WDR64: variants seen among roughly 807,000 people sequenced by gnomAD.
WDR64 encodes the protein WD repeat-containing protein 64.
Under a neutral mutation model 139.3 loss-of-function variants are expected in WDR64, and 112 were observed. The observed-to-expected ratio is 0.80, with a 90% CI of 0.69 to 0.94. WDR64 has a LOEUF of 0.94. WDR64 is among the 40% of genes least tolerant of loss of function. The pLI, the probability that WDR64 is intolerant of heterozygous loss-of-function variation, is 0.00. For synonymous variants in WDR64, 444 were observed against 437.7 expected, an observed-to-expected ratio of 1.01 and a Z score of -0.18; for missense variants, 1,206 against 1,293.1, an observed-to-expected ratio of 0.93 and a Z score of 1.03.
chr1:241,766,262 A>G lies in WDR64; in HGVS notation c.1992A>G (p.Leu664=). The G allele has an allele frequency of 1.2e-6, 2 of 1,614,102 alleles. No individual in the cohort carries two copies. Among genetic ancestry groups the G allele is most frequent in the Admixed American group, 1.7e-5 (1 of 60,006 alleles). ...TACGAGTGAACTGCATTGATTTACT[A>G]CAAGTAGAAGGATATAATTTGATAG... is the stretch of plus-strand genomic sequence containing the variant. ...DLLRVNCIDL[L]QVEGYNLIAA... Residue 664 remains leucine, a synonymous_variant, in exon 16 of 28, where the codon CTA becomes CTG. Coordinates refer to ENST00000437684, the MANE Select transcript of WDR64 (RefSeq NM_001367482.1).
intron 23 of WDR64, among the ~76,000 whole-genome samples, chr1:241,787,067 G>A (rs1659061304): frequency 6.6e-6 from 1 of 151,996 alleles, no homozygotes; most frequent in Admixed American, 6.6e-5. Context: ...AAAAATGTTG[G>A]CTGGAGGCCA....
At position 241,766,279 on chromosome 1, in the gene WDR64, A is replaced by T. The variant is rs1658160665; in HGVS notation, c.2009A>T (p.Asn670Ile). ...GATTTACTACAAGTAGAAGGATATA[A>T]TTTGATAGCAGCTGGAACCTTAAAT... ...CIDLLQVEGYNLIAAGTLNGV... is the reference protein window; with the variant it reads ...CIDLLQVEGYILIAAGTLNGV... The change falls in exon 16 of 28, where the codon AAT becomes ATT. Residue 670 changes from asparagine (N) to isoleucine (I), a missense_variant. Transcript: ENST00000437684. 1.9e-6 allele frequency: 3 copies of T among 1,614,044 alleles called. No individual in the cohort carries two copies. Among genetic ancestry groups the T allele is most frequent in the Non-Finnish European group, 1.7e-6 (2 of 1,180,030 alleles).
chr1:241,659,259 A>G (rs1218004007), intron 1 of WDR64, among the ~76,000 whole-genome samples: 1 of 152,200 alleles, frequency 6.6e-6, no homozygotes, highest in African/African-American at 2.4e-5. Context: ...TTATGGCTGC[A>G]TAGTATTCCA....
rs1338811111 is a variant in WDR64 at position 241,656,549 on chromosome 1, C to T, written c.145+3920C>T. On this transcript the variant is annotated intron_variant, in intron 1 of 27. Transcript: ENST00000437684. The surrounding 1 kb of genome is among the most constrained non-coding windows in gnomAD (Gnocchi z 4.3). ...ATGAGAATTTCTGACTCAATATTACCAAAATAGAGTGCTTTATTTTCCCCA... is the reference window on the plus strand; with the variant it reads ...ATGAGAATTTCTGACTCAATATTACTAAAATAGAGTGCTTTATTTTCCCCA... Among the ~76,000 whole-genome samples the T allele has an allele frequency of 1.3e-5, 2 of 152,140 alleles. No homozygotes were observed. The highest frequency in any genetic ancestry group is 3.8e-4 in the East Asian group (2 of 5,198).
intron 7 of WDR64, among the ~76,000 whole-genome samples, chr1:241,685,336 A>G (rs969527465): frequency 2.0e-5 from 3 of 151,814 alleles, no homozygotes; most frequent in African/African-American, 7.2e-5. Context: ...ACATAATGTC[A>G]AGTAAAAATT....
At chr1:241,722,516 A>T (rs924778337) in intron 9 of WDR64, among the ~76,000 whole-genome samples, 9 of 152,198 alleles carry the variant, frequency 5.9e-5, no homozygotes, top group Admixed American at 5.9e-4. Context: ...AAAAAACTAG[A>T]ATTAGTGGAC....
In WDR64 at chr1:241,744,512, T is replaced by C; in HGVS notation, c.1590T>C (p.Tyr530=). 6.2e-7 allele frequency: 1 copy of C among 1,614,000 alleles called. No homozygotes were observed. Among genetic ancestry groups the C allele is most frequent in the Non-Finnish European group, 8.5e-7 (1 of 1,179,966 alleles). The change falls in exon 13 of 28, where the codon TAT becomes TAC. Residue 530 remains tyrosine (Y), a synonymous_variant. Coordinates refer to ENST00000437684, the MANE Select transcript of WDR64 (RefSeq NM_001367482.1). The part of the protein sequence containing the change: ...ESGFLFATGA[Y]NGTVRIWDFG... ...GATTTCTTTTTGCCACAGGAGCGTATAATGGTCAGACTAACATCCAGAATG... is the reference window on the plus strand; with the variant it reads ...GATTTCTTTTTGCCACAGGAGCGTACAATGGTCAGACTAACATCCAGAATG...
chr1:241,749,709 T>A lies in WDR64; in HGVS notation c.1757T>A (p.Ile586Asn). Residue 586 changes from isoleucine (I) to asparagine (N), a missense_variant, in exon 14 of 28, where the codon ATC (isoleucine) becomes AAC (asparagine). Transcript: ENST00000437684. Reference sequence around the variant, plus strand: ...CTGGCCTTGGAGCGCAACGGGACTATCAAAATGATCCAGGTTTACAATCCC... The same window carrying A: ...CTGGCCTTGGAGCGCAACGGGACTAACAAAATGATCCAGGTTTACAATCCC... ...LVLALERNGT[I>N]KMIQGKEDDI... 1.6e-5 allele frequency: 26 copies of A among 1,613,822 alleles called. No homozygotes were observed. The highest frequency in any genetic ancestry group is 2.2e-5 in the Non-Finnish European group (26 of 1,179,876).
At chr1:241,696,133 A>AAAG (rs1171048967) in intron 8 of WDR64, among the ~76,000 whole-genome samples, 4 of 149,616 alleles carry the variant, frequency 2.7e-5, no homozygotes, top group Non-Finnish European at 4.4e-5. Flanking sequence ...AAAAAAAAAA[A>AAAG]AAAAAAAAGC....
At chr1:241,663,163 T>G (rs1468811992) in intron 2 of WDR64, among the ~76,000 whole-genome samples, 1 of 152,096 alleles carries the variant, frequency 6.6e-6, no homozygotes, top group Non-Finnish European at 1.5e-5. Context: ...ATGGGATAAC[T>G]CTATTGAAAA....
At chr1:241,789,051 A>C (rs1432564801) in intron 24 of WDR64, among the ~76,000 whole-genome samples, 1 of 152,106 alleles carries the variant, frequency 6.6e-6, no homozygotes, top group Non-Finnish European at 1.5e-5. Flanking sequence ...CTTTGTATAA[A>C]ACAGTTCATA....
chr1:241,658,232 T>C (rs1665682683), intron 1 of WDR64, among the ~76,000 whole-genome samples: 1 of 151,980 alleles, frequency 6.6e-6, no homozygotes, highest in Non-Finnish European at 1.5e-5. Flanking sequence ...TTAGATTCAA[T>C]AGTCTTACCC....
At chr1:241,775,328 G>C (rs915795957) in intron 21 of WDR64, 118 bp downstream of exon 21, 8 of 706,668 alleles carry the variant, frequency 1.1e-5, no homozygotes, top group Admixed American at 6.1e-5. Flanking sequence ...TAAGAGGTAT[G>C]CTCAAGCCTG....
chr1:241,706,980 C>A (rs1019044190), intron 8 of WDR64, among the ~76,000 whole-genome samples: 1 of 152,060 alleles, frequency 6.6e-6, no homozygotes, highest in Non-Finnish European at 1.5e-5. Flanking sequence ...TTGTGGTGAA[C>A]CTGCCTTTCC....
At chr1:241,690,258 G>A (rs1485621051) in intron 8 of WDR64, among the ~76,000 whole-genome samples, 2 of 152,052 alleles carry the variant, frequency 1.3e-5, no homozygotes, top group South Asian at 2.1e-4. Context: ...GCATCACAAG[G>A]TCAGGAGTTA....
intron 8 of WDR64, among the ~76,000 whole-genome samples, chr1:241,699,488 A>G (rs2148142181): frequency 1.3e-5 from 2 of 152,312 alleles, no homozygotes. Flanking sequence ...AAACAAATGA[A>G]TGAATTCCCA....
chr1:241,733,194 G>C (rs970004852), intron 10 of WDR64, among the ~76,000 whole-genome samples: 4 of 151,970 alleles, frequency 2.6e-5, no homozygotes, highest in African/African-American at 9.7e-5. Context: ...ATCATTATTG[G>C]CCAGGCACGG....
At chr1:241,662,025 A>C (rs905280559) in intron 2 of WDR64, among the ~76,000 whole-genome samples, 1 of 152,218 alleles carries the variant, frequency 6.6e-6, no homozygotes, top group African/African-American at 2.4e-5. Context: ...TTCCAACCTT[A>C]AAGTAAAATT....
intron 15 of WDR64, among the ~76,000 whole-genome samples, chr1:241,760,787 A>G: frequency 9.5e-6 from 1 of 105,176 alleles, no homozygotes; most frequent in Non-Finnish European, 1.8e-5. Context: ...TTTTTTTGAG[A>G]CGGAGTCTCA....
Sources: gnomAD v4.1 joint callset for allele counts (sites outside exome capture counted in the v4.1 genomes callset) on GRCh38, gnomAD v4.1.1 for gene constraint, Gnocchi (gnomAD v3.1) non-coding constraint, MANE v1.5 for transcripts, NCBI Gene and HGNC (gene_info 2026-07-23, HGNC 2026-07-21) for gene names.